The following MAPK10 variants were observed in gnomAD, a reference collection of about 807,000 sequenced individuals.
MAPK10 encodes JNK3 alpha protein kinase.
In MAPK10, 25 loss-of-function variants were observed where a neutral mutation model predicts 59.3. The ratio of observed to expected loss-of-function variants is 0.42; its 90% CI spans 0.31 to 0.59. The LOEUF (loss-of-function observed/expected upper bound fraction) is 0.59. Ranked by LOEUF, MAPK10 falls within the 20% of genes least tolerant of loss-of-function variation. The pLI is 0.15. For missense variants in MAPK10, 351 were observed against 568.9 expected (o/e 0.62, Z 3.90); for synonymous variants, 190 against 200.5 (o/e 0.95, Z 0.44).
intron 4 of MAPK10, among the ~76,000 whole-genome samples, chr4:86,155,627 G>A (rs111978821): frequency 2.0e-5 from 3 of 151,862 alleles, no homozygotes; most frequent in Non-Finnish European, 4.4e-5. Context: ...TATAAATTAA[G>A]CACGGTAGGG....
chr4:86,330,019 G>A (rs116769024), intron 2 of MAPK10, among the ~76,000 whole-genome samples: 1,774 of 152,224 alleles, frequency 0.012, 21 homozygotes, highest in Non-Finnish European at 0.018. Context: ...TTGGTGGGCC[G>A]GCAAAGAGAA....
chr4:86,575,794 T>C (rs1255144934), intron 1 of MAPK10, among the ~76,000 whole-genome samples: 1 of 150,550 alleles, frequency 6.6e-6, no homozygotes, highest in Admixed American at 6.6e-5. Flanking sequence ...TATGATGGGG[T>C]TATGATGTAG....
intron 2 of MAPK10, among the ~76,000 whole-genome samples, chr4:86,259,283 T>C (rs540085910): frequency 5.3e-5 from 8 of 152,238 alleles, no homozygotes; most frequent in South Asian, 2.1e-4. Flanking sequence ...TCCAAATCTT[T>C]CTCTTAAATC....
chr4:86,448,114 A>T (rs1424550498), intron 1 of MAPK10, among the ~76,000 whole-genome samples: 1 of 152,214 alleles, frequency 6.6e-6, no homozygotes, highest in Non-Finnish European at 1.5e-5. Context: ...TTAGCACATA[A>T]ACACACATAC....
intron 1 of MAPK10, among the ~76,000 whole-genome samples, chr4:86,385,554 A>G (rs1741346567): frequency 6.6e-6 from 1 of 152,220 alleles, no homozygotes; most frequent in Admixed American, 6.5e-5. Context: ...TTAATCATAT[A>G]TCTTTAATAT....
chr4:86,037,181 T>G (rs1365214526), intron 11 of MAPK10, among the ~76,000 whole-genome samples: 3 of 152,206 alleles, frequency 2.0e-5, no homozygotes, highest in African/African-American at 2.4e-5. Flanking sequence ...TGGCCATGAC[T>G]TTCTACTAAA....
At chr4:86,320,261 T>C (rs577957998) in intron 2 of MAPK10, among the ~76,000 whole-genome samples, 1 of 152,310 alleles carries the variant, frequency 6.6e-6, no homozygotes, top group African/African-American at 2.4e-5. Context: ...CAATCTATAG[T>C]TCAGAAATTA....
chr4:86,031,471 G>A (rs780010086), intron 11 of MAPK10, 40 bp from the exon 12 acceptor site: 1 of 1,430,614 alleles, frequency 7.0e-7, no homozygotes. Context: ...GTGTGATAAT[G>A]TAAACATAAC....
At chr4:86,400,380 A>G (rs1196855747) in intron 1 of MAPK10, among the ~76,000 whole-genome samples, 2 of 152,120 alleles carry the variant, frequency 1.3e-5, no homozygotes, top group Non-Finnish European at 1.5e-5. Context: ...ACATTACTAT[A>G]GTGACGTACA....
chr4:86,255,229 C>G (rs1170542931), intron 2 of MAPK10, among the ~76,000 whole-genome samples: 2 of 152,108 alleles, frequency 1.3e-5, no homozygotes, highest in African/African-American at 2.4e-5. Flanking sequence ...TTATCAACAG[C>G]AGTTCACGGT....
intron 11 of MAPK10, among the ~76,000 whole-genome samples, chr4:86,044,177 T>C (rs777756452): frequency 1.3e-5 from 2 of 152,328 alleles, no homozygotes; most frequent in Admixed American, 1.3e-4. Flanking sequence ...ATGTGCAATA[T>C]ATTGTGATGC....
chr4:86,469,421 A>G (rs1413448577), intron 1 of MAPK10, among the ~76,000 whole-genome samples: 3 of 152,212 alleles, frequency 2.0e-5, no homozygotes, highest in African/African-American at 7.2e-5. Context: ...CTGTATGCAC[A>G]CTAAGAACAA....
intron 11 of MAPK10, among the ~76,000 whole-genome samples, chr4:86,054,682 T>G (rs1225342831): frequency 6.6e-6 from 1 of 152,188 alleles, no homozygotes; most frequent in Non-Finnish European, 1.5e-5. Context: ...CCTCCTCATT[T>G]CTAAATTTAT....
At chr4:86,235,144 T>C (rs1198014589) in intron 2 of MAPK10, among the ~76,000 whole-genome samples, 4 of 152,204 alleles carry the variant, frequency 2.6e-5, no homozygotes, top group Non-Finnish European at 5.9e-5. Flanking sequence ...CCTAGACTCA[T>C]ACACTGAGGT....
chr4:86,274,786 C>A (rs959876754), intron 2 of MAPK10, among the ~76,000 whole-genome samples: 1 of 151,958 alleles, frequency 6.6e-6, no homozygotes, highest in African/African-American at 2.4e-5. Context: ...TCTCTTCAAG[C>A]AGTCTCAAGA....
At chr4:86,148,400 A>G (rs1485081165) in intron 4 of MAPK10, among the ~76,000 whole-genome samples, 1 of 152,184 alleles carries the variant, frequency 6.6e-6, no homozygotes, top group Non-Finnish European at 1.5e-5. Context: ...TTTGAGAACA[A>G]TGACTAGTAT....
chr4:86,354,587 A>G lies in MAPK10; in HGVS notation c.-64T>C. On this transcript the variant is annotated 5_prime_UTR_variant, in exon 2 of 14. An upstream start codon of the reference 5' UTR is lost. Transcript: ENST00000641462. ...CGGGTCTAATTCAACAGTTTCTTGC[A>G]TAAGTTGCCATAGTGAAGATCTGAG... 9 of 1,231,578 alleles carry G rather than the reference A, an allele frequency of 7.3e-6. No individual in the cohort carries two copies. Among genetic ancestry groups the G allele is most frequent in the Non-Finnish European group, 9.1e-6 (9 of 987,500 alleles). The allele number at this position is 1,231,578 out of a possible 1,614,324, so 76.3% of individuals were successfully genotyped here. A position where few individuals can be genotyped will look rare whatever the true frequency, so the allele number is the denominator to read the frequency against.
chr4:86,172,960 A>G (rs1032513788), intron 3 of MAPK10, among the ~76,000 whole-genome samples: 6 of 151,832 alleles, frequency 4.0e-5, no homozygotes, highest in Non-Finnish European at 8.8e-5. Flanking sequence ...GTTCAAAGAA[A>G]TAAGAGACAA....
rs1583540490 is a variant in MAPK10 at position 86,253,493 on chromosome 4, T to C, written c.-6-59086A>G. Among the ~76,000 whole-genome samples the C allele has an allele frequency of 2.0e-5, 2 of 98,592 alleles. 1 individual carries two copies. The highest frequency in any genetic ancestry group is 1.9e-4 in the Admixed American group (2 of 10,358). The allele number at this position is 98,592 out of a possible 152,430, so 64.7% of individuals were successfully genotyped here. ...GATTACATTTATTGATTTGCGTATA[T>C]TGAACCAGCCTTGCATCCCAGGGAT... On this transcript the variant is annotated intron_variant, in intron 2 of 13. Coordinates refer to ENST00000641462, the MANE Select transcript of MAPK10 (RefSeq NM_138982.4).
Sources: allele counts gnomAD v4.1 joint callset (sites outside exome capture counted in the v4.1 genomes callset), GRCh38; gene constraint gnomAD v4.1.1; transcripts MANE v1.5; gene names NCBI Gene and HGNC (gene_info 2026-07-23, HGNC 2026-07-21).